The following EYS variants were observed in gnomAD, a reference collection of about 807,000 sequenced individuals.
The protein encoded by EYS is protein eyes shut homolog.
EYS carries 250 observed loss-of-function variants against 282.1 expected under a neutral mutation model. The ratio of observed to expected loss-of-function variants is 0.89; its 90% confidence interval spans 0.80 to 0.98. The LOEUF (loss-of-function observed/expected upper bound fraction) is 0.98, where lower values mean the gene tolerates loss of function less well. Ranked by LOEUF, EYS falls within the 50% of genes least tolerant of loss-of-function variation. The pLI is 0.00. For synonymous variants in EYS, 1,355 were observed against 1,282.9 expected (o/e 1.06, Z -1.20); for missense variants, 4,016 against 3,709.0 (o/e 1.08, Z -2.15).
intron 26 of EYS, among the ~76,000 whole-genome samples, chr6:64,464,079 A>T (rs1323605084): frequency 6.6e-6 from 1 of 152,192 alleles, no homozygotes; most frequent in Non-Finnish European, 1.5e-5. Flanking sequence ...ATTGAACAAC[A>T]CATTAAAATC....
chr6:64,551,558 A>T (rs1282276776), intron 26 of EYS, among the ~76,000 whole-genome samples: 1 of 136,738 alleles, frequency 7.3e-6, no homozygotes, highest in Non-Finnish European at 1.6e-5. Context: ...TTTTTTTGAG[A>T]TGGAGTCCTG....
chr6:64,313,927 A>G (rs891744713), intron 29 of EYS, among the ~76,000 whole-genome samples: 1 of 152,158 alleles, frequency 6.6e-6, no homozygotes, highest in Non-Finnish European at 1.5e-5. Context: ...CAAATTGTGA[A>G]GACCACTGAC....
At chr6:64,508,799 G>A (rs993812284) in intron 26 of EYS, among the ~76,000 whole-genome samples, 10 of 151,908 alleles carry the variant, frequency 6.6e-5, no homozygotes, top group Non-Finnish European at 8.8e-5. Flanking sequence ...AAGCTCTCCA[G>A]TAACCTTTGG....
chr6:65,654,119 T>C (rs911961844), intron 1 of EYS, among the ~76,000 whole-genome samples: 1 of 151,968 alleles, frequency 6.6e-6, no homozygotes, highest in African/African-American at 2.4e-5. Context: ...TAGTCATAAA[T>C]TGACAAGACA....
chr6:63,949,714 G>A (rs1483622413), intron 35 of EYS, among the ~76,000 whole-genome samples: 3 of 152,086 alleles, frequency 2.0e-5, no homozygotes, highest in African/African-American at 7.2e-5. Context: ...CTATAAAGTG[G>A]CATAAATAAT....
chr6:65,065,395 T>G (rs1363129077), intron 12 of EYS, among the ~76,000 whole-genome samples: 1 of 151,668 alleles, frequency 6.6e-6, no homozygotes, highest in Admixed American at 6.6e-5. Context: ...TTTTTTTTTT[T>G]TTTTTGAGAT....
At chr6:65,020,821 C>A (rs550743171) in intron 13 of EYS, among the ~76,000 whole-genome samples, 1 of 152,148 alleles carries the variant, frequency 6.6e-6, no homozygotes, top group East Asian at 1.9e-4. Context: ...GTTTCCAAAC[C>A]TCAATTCTTG....
At chr6:64,594,366 G>A (rs1313166829) in intron 24 of EYS, among the ~76,000 whole-genome samples, 1 of 152,100 alleles carries the variant, frequency 6.6e-6, no homozygotes, top group Non-Finnish European at 1.5e-5. Context: ...CTTTATAGCA[G>A]CATGATTTAT....
chr6:65,419,781 G>C (rs1460533652), intron 5 of EYS, among the ~76,000 whole-genome samples: 3 of 151,798 alleles, frequency 2.0e-5, no homozygotes, highest in Admixed American at 6.6e-5. Context: ...AGTGCATACA[G>C]GCATATCCTG....
At chr6:65,131,063 G>A (rs1304903674) in intron 12 of EYS, among the ~76,000 whole-genome samples, 3 of 151,428 alleles carry the variant, frequency 2.0e-5, no homozygotes, top group Non-Finnish European at 4.4e-5. Context: ...TATATTTGGA[G>A]TACAACATGT....
rs992077398 is a variant in EYS at position 65,002,564 on chromosome 6, T to G, written c.2138-4861A>C. Among the ~76,000 whole-genome samples the G allele has an allele frequency of 1.4e-5, 2 of 147,942 alleles. 1 individual carries two copies. Among genetic ancestry groups the G allele is most frequent in the African/African-American group, 4.9e-5 (2 of 41,214 alleles). On this transcript the variant is annotated intron_variant, in intron 13 of 42. Transcript: ENST00000503581. ...TCAATTGCCTTGATATTGGCTTTTA[T>G]TTGCACAGCACTTGTTTTGAGAAAC...
intron 2 of EYS, among the ~76,000 whole-genome samples, chr6:65,622,046 G>A (rs1263743590): frequency 6.6e-6 from 1 of 152,118 alleles, no homozygotes; most frequent in Non-Finnish European, 1.5e-5. Context: ...ACAAGACAGA[G>A]ATGTCTATAA....
intron 22 of EYS, among the ~76,000 whole-genome samples, chr6:64,676,796 G>T (rs1484136477): frequency 6.6e-6 from 1 of 152,114 alleles, no homozygotes; most frequent in Non-Finnish European, 1.5e-5. Context: ...CTCTCATGAT[G>T]ACAGGAGCTC....
At chr6:64,475,589 C>T (rs1239143690) in intron 26 of EYS, among the ~76,000 whole-genome samples, 1 of 150,938 alleles carries the variant, frequency 6.6e-6, no homozygotes, top group Non-Finnish European at 1.5e-5. Flanking sequence ...GAAAAAATAC[C>T]AAATACTTAA....
chr6:63,767,469 A>G (rs947899988), intron 40 of EYS, among the ~76,000 whole-genome samples: 1 of 152,100 alleles, frequency 6.6e-6, no homozygotes, highest in Admixed American at 6.6e-5. Context: ...CAAGAATGAA[A>G]TCCCATTTAC....
At chr6:63,732,189 C>G (rs1202736846) in intron 41 of EYS, among the ~76,000 whole-genome samples, 1 of 151,942 alleles carries the variant, frequency 6.6e-6, no homozygotes, top group Non-Finnish European at 1.5e-5. Flanking sequence ...AGAAGTGACA[C>G]ATGCTGAAAT....
At chr6:64,198,808 G>A (rs185607746) in intron 31 of EYS, among the ~76,000 whole-genome samples, 1 of 152,268 alleles carries the variant, frequency 6.6e-6, no homozygotes, top group Non-Finnish European at 1.5e-5. Flanking sequence ...TGTCTTTATA[G>A]TAGAATGATT....
At chr6:65,163,424 T>C (rs1038307129) in intron 12 of EYS, among the ~76,000 whole-genome samples, 4 of 151,304 alleles carry the variant, frequency 2.6e-5, no homozygotes, top group African/African-American at 9.7e-5. Context: ...ATATGTTTCT[T>C]ACATGAAATA....
intron 12 of EYS, among the ~76,000 whole-genome samples, chr6:65,097,823 A>C (rs1581907960): frequency 6.6e-6 from 1 of 150,844 alleles, no homozygotes; most frequent in East Asian, 1.9e-4. Flanking sequence ...ACAAAGTACA[A>C]TAGTGATTAT....
Sources: allele counts gnomAD v4.1 joint callset (sites outside exome capture counted in the v4.1 genomes callset), GRCh38; gene constraint gnomAD v4.1.1; transcripts MANE v1.5; gene names NCBI Gene and HGNC (gene_info 2026-07-23, HGNC 2026-07-21).